Variants in UBE3A observed in about 807,000 individuals in gnomAD.
The protein encoded by UBE3A is ubiquitin protein ligase E3A.
Under a neutral mutation model 83.4 loss-of-function variants are expected in UBE3A, and 6 were observed. That is an observed-to-expected ratio of 0.07 (90% confidence interval 0.04 to 0.14). The LOEUF (loss-of-function observed/expected upper bound fraction) is 0.14. UBE3A is among the 10% of genes least tolerant of loss of function. The probability of loss-of-function intolerance (pLI) is 1.00; values close to 1 mark genes in which losing one functional copy is unlikely to be tolerated. For missense variants in UBE3A, 456 were observed against 1,036.1 expected, an observed-to-expected ratio of 0.44 and a Z score of 7.69; for synonymous variants, 337 against 355.4, an observed-to-expected ratio of 0.95 and a Z score of 0.58.
chr15:25,405,813 AACAC>A (rs2088389912), intron 3 of UBE3A, among the ~76,000 whole-genome samples: 1 of 152,214 alleles, frequency 6.6e-6, no homozygotes, highest in South Asian at 2.1e-4. Context: ...CGTGTAATAA[AACAC>A]ACAACTAAAA....
At chr15:25,359,550 C>T (rs1352557557) in intron 7 of UBE3A, among the ~76,000 whole-genome samples, 1 of 151,400 alleles carries the variant, frequency 6.6e-6, no homozygotes, top group Non-Finnish European at 1.5e-5. Context: ...AAATGACATA[C>T]ATTATTCTAT....
chr15:25,385,223 A>G (rs1026045772), intron 4 of UBE3A, among the ~76,000 whole-genome samples: 2 of 152,254 alleles, frequency 1.3e-5, no homozygotes, highest in African/African-American at 4.8e-5. Flanking sequence ...GTTAATATCC[A>G]GAATATATAA....
chr15:25,357,930 G>T (rs184169544), intron 7 of UBE3A, among the ~76,000 whole-genome samples: 2 of 126,426 alleles, frequency 1.6e-5, no homozygotes, highest in Admixed American at 1.7e-4. Context: ...TTTTTGAGAC[G>T]GTCTCGCTCT....
intron 4 of UBE3A, among the ~76,000 whole-genome samples, chr15:25,396,342 C>T (rs117863911): frequency 0.022 from 3,322 of 152,152 alleles, 59 homozygotes; most frequent in Non-Finnish European, 0.032. Context: ...CGGTGGCTCA[C>T]GTCTGTAGTC....
chr15:25,358,335 AACC>A (rs1054985010), intron 7 of UBE3A, among the ~76,000 whole-genome samples: 1 of 151,946 alleles, frequency 6.6e-6, no homozygotes, highest in African/African-American at 2.4e-5. Flanking sequence ...GCCGAGACAG[AACC>A]ACTACACTCC....
At chr15:25,417,793 G>A (rs1197773329) in intron 1 of UBE3A, 1 of 151,850 alleles carries the variant, frequency 6.6e-6, no homozygotes, top group African/African-American at 2.4e-5. Flanking sequence ...ATGTGTAACT[G>A]GAGTCCCAGA....
At chr15:25,356,541 G>T in intron 8 of UBE3A, 150 bp downstream of exon 8, 1 of 769,774 alleles carries the variant, frequency 1.3e-6, no homozygotes, top group Non-Finnish European at 2.1e-6. Flanking sequence ...AGTGTTTCTG[G>T]TACTTCGGTC....
intron 7 of UBE3A, among the ~76,000 whole-genome samples, 161 bp downstream of exon 7, chr15:25,360,222 C>G (rs1275075811): frequency 1.3e-5 from 2 of 152,138 alleles, no homozygotes; most frequent in Non-Finnish European, 2.9e-5. Flanking sequence ...AAATCAGTTC[C>G]TAAAACCTAC....
chr15:25,342,920 T>C (rs2075089483), intron 11 of UBE3A, among the ~76,000 whole-genome samples: 2 of 152,010 alleles, frequency 1.3e-5, no homozygotes, highest in Admixed American at 6.5e-5. Flanking sequence ...AATGGCAGGC[T>C]CAGGAAGGCA....
At chr15:25,349,050 A>G (rs1358138138) in intron 11 of UBE3A, among the ~76,000 whole-genome samples, 3 of 152,252 alleles carry the variant, frequency 2.0e-5, no homozygotes, top group African/African-American at 4.8e-5. Context: ...TGCAGTAACC[A>G]TAACAGTGTC....
intron 11 of UBE3A, among the ~76,000 whole-genome samples, chr15:25,353,136 A>G (rs2076751628): frequency 6.6e-6 from 1 of 152,068 alleles, no homozygotes; most frequent in Non-Finnish European, 1.5e-5. Context: ...GGTTTTTCCT[A>G]TCACCATGTT....
At chr15:25,348,549 T>A (rs1372741951) in intron 11 of UBE3A, among the ~76,000 whole-genome samples, 21 of 152,180 alleles carry the variant, frequency 1.4e-4, no homozygotes, top group Non-Finnish European at 1.5e-5. Context: ...TCTTGATTTG[T>A]AGATGACATA....
rs913610627 is a variant in UBE3A, at chr15:25,369,737, C to T, written c.1608+829G>A. ...GTAAATTTTGGTGAAATGTGACTGACGACTGCTTTCTGTCTTCTGGCCACT... is the reference window on the plus strand; with the variant it reads ...GTAAATTTTGGTGAAATGTGACTGATGACTGCTTTCTGTCTTCTGGCCACT... On this transcript the variant is annotated intron_variant, in intron 6 of 12. Coordinates refer to ENST00000648336, the MANE Select transcript of UBE3A (RefSeq NM_130839.5). 5.9e-5 allele frequency among the ~76,000 whole-genome samples: 9 copies of T among 152,082 alleles called. No individual in the cohort carries two copies. The East Asian group carries it at 1.4e-3, about 23-fold the overall frequency.
At chr15:25,408,766 A>G in intron 3 of UBE3A, 1 of 1,140,088 alleles carries the variant, frequency 8.8e-7, no homozygotes, top group Non-Finnish European at 1.2e-6. Flanking sequence ...CACCACATAA[A>G]AGGCATACTT....
chr15:25,376,492 TA>T (rs1258455268), intron 4 of UBE3A, among the ~76,000 whole-genome samples: 1 of 151,448 alleles, frequency 6.6e-6, no homozygotes, highest in Non-Finnish European at 1.5e-5. Flanking sequence ...CAAACTTTTT[TA>T]AAAAAAATTA....
intron 5 of UBE3A, 97 bp downstream of exon 5, chr15:25,375,366 CTT>C: frequency 1.4e-6 from 2 of 1,416,916 alleles, no homozygotes; most frequent in Non-Finnish European, 1.9e-6. Flanking sequence ...ATCAAAATGT[CTT>C]TATGTCACAG....
rs576693987 is a variant in UBE3A, at chr15:25,385,522, G to A, written c.63-9759C>T. On this transcript the variant is annotated intron_variant, in intron 4 of 12. Coordinates refer to ENST00000648336, the MANE Select transcript of UBE3A (RefSeq NM_130839.5). ...ATGTAAAATGGTGCCAGGCACTGTG[G>A]AAAACAACATGAAGGTCCCTCAAAA... Among the ~76,000 whole-genome samples, 15 of 152,098 alleles carry A rather than the reference G, an allele frequency of 9.9e-5. 1 individual carries two copies. Among genetic ancestry groups the A allele is most frequent in the Middle Eastern group, 6.8e-3 (2 of 292 alleles).
chr15:25,360,242 C>CA, intron 7 of UBE3A, 141 bp downstream of exon 7: 2 of 1,052,038 alleles, frequency 1.9e-6, no homozygotes, highest in Non-Finnish European at 2.8e-6. Flanking sequence ...CAAATTCAGT[C>CA]ATGATGTGTG....
chr15:25,363,511 T>G (rs1225047380), intron 6 of UBE3A, among the ~76,000 whole-genome samples: 1 of 152,096 alleles, frequency 6.6e-6, no homozygotes, highest in Non-Finnish European at 1.5e-5. Flanking sequence ...AAGGAAACAT[T>G]AACTCCACTT....
Sources: gnomAD v4.1 joint callset for allele counts (sites outside exome capture counted in the v4.1 genomes callset) on GRCh38, gnomAD v4.1.1 for gene constraint, MANE v1.5 for transcripts, NCBI Gene and HGNC (gene_info 2026-07-23, HGNC 2026-07-21) for gene names.